The following PCDHA4 variants were observed in gnomAD, a reference collection of about 807,000 sequenced individuals.
PCDHA4 encodes the protein protocadherin alpha 4, also known as protocadherin alpha-4.
Under a neutral mutation model 61.4 loss-of-function variants are expected in PCDHA4, and 49 were observed. The observed-to-expected ratio is 0.80, with a 90% CI of 0.63 to 1.01. The LOEUF is 1.01. Among genes scored for constraint, PCDHA4 ranks in the 50% least tolerant of loss-of-function variants. The probability of loss-of-function intolerance (pLI) is 0.00; values close to 1 mark genes in which losing one functional copy is unlikely to be tolerated. For synonymous variants in PCDHA4, 590 were observed against 550.3 expected (o/e 1.07, Z -1.01); for missense variants, 1,254 against 1,235.8 (o/e 1.01, Z -0.22).
At chr5:140,853,805 C>A in intron 1 of PCDHA4, 1 of 986,730 alleles carries the variant, frequency 1.0e-6, no homozygotes, top group Non-Finnish European at 1.2e-6. Flanking sequence ...TTTTAAAGCA[C>A]ACCTGAGATG....
chr5:140,807,275 C>T lies in PCDHA4; in HGVS notation c.88C>T (p.Gln30Ter), dbSNP rs781978494. The change falls in exon 1 of 4, where the codon CAG (glutamine) becomes TAG (stop). Residue 30 changes from glutamine to a stop codon, truncating the protein, a stop_gained. Coordinates refer to ENST00000530339, the MANE Select transcript of PCDHA4 (RefSeq NM_018907.4). LOFTEE classifies it high-confidence loss of function. ...CGCAGCCTGGGAGGCAGGGAACGGT[C>T]AGCTCCACTACTCGGTCTCCGAGGA... Reference protein sequence around the residue: ...LLAAWEAGNGQLHYSVSEEAK... With the variant: ...LLAAWEAGNG 1.2e-6 allele frequency: 2 copies of T among 1,614,232 alleles called. No homozygotes were observed. The highest frequency in any genetic ancestry group is 1.7e-5 in the Admixed American group (1 of 60,034).
chr5:140,990,296 T>C (rs1231552034), intron 3 of PCDHA4, among the ~76,000 whole-genome samples: 12 of 152,300 alleles, frequency 7.9e-5, no homozygotes, highest in African/African-American at 2.9e-4. Flanking sequence ...ATCGATGCCA[T>C]TGTCTGTAAA....
At chr5:140,974,724 C>T (rs893225073) in intron 1 of PCDHA4, among the ~76,000 whole-genome samples, 11 of 152,168 alleles carry the variant, frequency 7.2e-5, no homozygotes, top group Admixed American at 2.6e-4. Flanking sequence ...TGCTCTCGAA[C>T]TCCTGTCTCC....
intron 1 of PCDHA4, among the ~76,000 whole-genome samples, chr5:140,838,434 A>G (rs1554137076): frequency 1.3e-5 from 2 of 151,392 alleles, no homozygotes; most frequent in Non-Finnish European, 2.9e-5. Context: ...TAAATTATAT[A>G]TTGGGTTTTG....
chr5:140,869,502 C>G (rs2051182557), intron 1 of PCDHA4: 1 of 1,614,090 alleles, frequency 6.2e-7, no homozygotes, highest in African/African-American at 1.3e-5. Context: ...CGCCGGTGTT[C>G]TCGCTCAGAG....
intron 1 of PCDHA4, among the ~76,000 whole-genome samples, chr5:140,970,929 G>A (rs537614286): frequency 1.4e-4 from 22 of 152,192 alleles, no homozygotes; most frequent in Non-Finnish European, 2.9e-4. Flanking sequence ...AGTGCCTGGT[G>A]TTAGTCAATG....
intron 1 of PCDHA4, chr5:140,834,303 G>T (rs2150215099): frequency 7.6e-7 from 1 of 1,308,316 alleles, no homozygotes; most frequent in Admixed American, 2.2e-5. Context: ...CACACATCGA[G>T]ATTGAAATGA....
intron 3 of PCDHA4, among the ~76,000 whole-genome samples, chr5:141,007,324 A>G (rs35241677): frequency 0.053 from 8,037 of 150,420 alleles, 253 homozygotes; most frequent in South Asian, 0.11. Context: ...GCTAAAGTGG[A>G]CAGATTGCCT....
chr5:141,005,417 T>G (rs1323051159), intron 3 of PCDHA4, among the ~76,000 whole-genome samples: 2 of 152,062 alleles, frequency 1.3e-5, no homozygotes, highest in African/African-American at 4.8e-5. Context: ...TGAGGAGTCA[T>G]GCTAAGAATG....
chr5:140,877,767 C>T, intron 1 of PCDHA4: 1 of 1,614,166 alleles, frequency 6.2e-7, no homozygotes, highest in Non-Finnish European at 8.5e-7. Context: ...AGAGCCCGCC[C>T]AAGACGGACC....
chr5:140,939,488 T>C (rs1554212750), intron 1 of PCDHA4, among the ~76,000 whole-genome samples: 1 of 151,188 alleles, frequency 6.6e-6, no homozygotes, highest in Non-Finnish European at 1.5e-5. Flanking sequence ...AGAATGTTAA[T>C]TATAAATTCA....
intron 1 of PCDHA4, chr5:140,966,880 C>T (rs1554228837): frequency 1.3e-6 from 2 of 1,588,288 alleles, no homozygotes; most frequent in Admixed American, 3.5e-5. Flanking sequence ...TGCTACCTGG[C>T]CCTGCGGCCT....
intron 1 of PCDHA4, among the ~76,000 whole-genome samples, chr5:140,910,781 A>G (rs1402088509): frequency 3.9e-5 from 6 of 152,220 alleles, no homozygotes; most frequent in Non-Finnish European, 8.8e-5. Flanking sequence ...AAGCTGCAAC[A>G]TTAAATGCAG....
At chr5:140,960,764 A>C (rs1383623742) in intron 1 of PCDHA4, among the ~76,000 whole-genome samples, 7 of 152,164 alleles carry the variant, frequency 4.6e-5, no homozygotes, top group African/African-American at 1.7e-4. Flanking sequence ...CAAGAGTTAC[A>C]GAGGAGAAAT....
intron 1 of PCDHA4, among the ~76,000 whole-genome samples, chr5:140,821,011 G>A (rs1766878568): frequency 6.6e-6 from 1 of 151,840 alleles, no homozygotes. Context: ...GGTTTTCATC[G>A]ATTTGAAAAT....
At chr5:140,891,838 A>G (rs1479578181) in intron 1 of PCDHA4, among the ~76,000 whole-genome samples, 1 of 152,164 alleles carries the variant, frequency 6.6e-6, no homozygotes, top group African/African-American at 2.4e-5. Context: ...AAAGGACTTG[A>G]TGGAAGGAGC....
chr5:140,898,456 C>G (rs1333861280), intron 1 of PCDHA4, among the ~76,000 whole-genome samples: 2 of 152,134 alleles, frequency 1.3e-5, no homozygotes, highest in African/African-American at 2.4e-5. Flanking sequence ...AATCCTTTCC[C>G]CATTGCTTGT....
At chr5:140,949,663 T>C (rs1038571728) in intron 1 of PCDHA4, among the ~76,000 whole-genome samples, 2 of 151,872 alleles carry the variant, frequency 1.3e-5, no homozygotes, top group Non-Finnish European at 3.0e-5. Flanking sequence ...TTTGTTTCTT[T>C]AAAGTATGCC....
chr5:140,936,270 T>G (rs1367001317), intron 1 of PCDHA4, among the ~76,000 whole-genome samples: 2 of 152,226 alleles, frequency 1.3e-5, no homozygotes, highest in Non-Finnish European at 2.9e-5. Context: ...GAAGATATAT[T>G]CCTGTGTTTT....
Sources: allele counts gnomAD v4.1 joint callset (sites outside exome capture counted in the v4.1 genomes callset), GRCh38; gene constraint gnomAD v4.1.1; transcripts MANE v1.5; gene names NCBI Gene and HGNC (gene_info 2026-07-23, HGNC 2026-07-21).